DIAPH3: variants seen among roughly 807,000 people sequenced by gnomAD.
DIAPH3 encodes the protein diaphanous related formin 3.
DIAPH3 carries 117 observed loss-of-function variants against 144.3 expected under a neutral mutation model. That is an observed-to-expected ratio of 0.81 (90% confidence interval 0.70 to 0.95). DIAPH3 has a LOEUF of 0.95. DIAPH3 is among the 40% of genes least tolerant of loss of function. The pLI, the probability that DIAPH3 is intolerant of heterozygous loss-of-function variation, is 0.00. For synonymous variants in DIAPH3, 519 were observed against 488.9 expected (o/e 1.06, Z -0.81); for missense variants, 1,421 against 1,412.7 (o/e 1.01, Z -0.09).
chr13:59,672,245 G>A (rs2138593048), intron 27 of DIAPH3, among the ~76,000 whole-genome samples: 1 of 152,280 alleles, frequency 6.6e-6, no homozygotes, highest in Non-Finnish European at 1.5e-5. Context: ...TTTGAAGTTA[G>A]TATTGATCCC....
chr13:60,037,977 G>A (rs1474597730), intron 5 of DIAPH3, among the ~76,000 whole-genome samples: 2 of 151,948 alleles, frequency 1.3e-5, no homozygotes, highest in East Asian at 3.8e-4. Context: ...AAGAATGCAT[G>A]GAAGATGACT....
intron 4 of DIAPH3, among the ~76,000 whole-genome samples, chr13:60,077,027 C>T (rs181235856): frequency 2.7e-4 from 41 of 152,116 alleles, no homozygotes; most frequent in East Asian, 1.9e-3. Flanking sequence ...ACACTAAAGA[C>T]TGCTTCATTA....
chr13:59,759,731 G>A (rs1280358189), intron 27 of DIAPH3, among the ~76,000 whole-genome samples: 9 of 152,118 alleles, frequency 5.9e-5, no homozygotes, highest in Admixed American at 4.6e-4. Context: ...GGATCATGAG[G>A]TCAGGAGTTC....
chr13:59,798,698 T>C (rs1055619418), intron 25 of DIAPH3, among the ~76,000 whole-genome samples: 7 of 152,158 alleles, frequency 4.6e-5, no homozygotes, highest in Admixed American at 1.3e-4. Flanking sequence ...GAACCACCCA[T>C]GTAGCAGAAA....
chr13:60,075,877 T>C (rs925222243), intron 4 of DIAPH3, among the ~76,000 whole-genome samples: 2 of 152,234 alleles, frequency 1.3e-5, no homozygotes, highest in Non-Finnish European at 2.9e-5. Flanking sequence ...TATCCAAGTG[T>C]TGACCGTATC....
chr13:59,976,251 C>T (rs2050675608), intron 14 of DIAPH3, among the ~76,000 whole-genome samples: 1 of 151,922 alleles, frequency 6.6e-6, no homozygotes, highest in African/African-American at 2.4e-5. Flanking sequence ...TACCAAATTC[C>T]AATTCCAGAA....
chr13:59,879,516 T>G (rs755291480), intron 20 of DIAPH3, 48 bp from the exon 21 acceptor site: 9 of 1,610,952 alleles, frequency 5.6e-6, no homozygotes, highest in Non-Finnish European at 7.6e-6. Context: ...CATGGTATAG[T>G]TTAGTACTGT....
chr13:60,026,854 A>T (rs964653336), intron 5 of DIAPH3, among the ~76,000 whole-genome samples: 2 of 152,202 alleles, frequency 1.3e-5, no homozygotes, highest in African/African-American at 2.4e-5. Context: ...TGTAATAAGA[A>T]AAATATTTTT....
At chr13:60,137,245 T>A (rs1594758765) in intron 1 of DIAPH3, among the ~76,000 whole-genome samples, 1 of 150,998 alleles carries the variant, frequency 6.6e-6, no homozygotes, top group Non-Finnish European at 1.5e-5. Context: ...AACATAGGAG[T>A]CGGGGGGAAA....
chr13:60,116,502 A>C (rs925329297), intron 2 of DIAPH3, among the ~76,000 whole-genome samples: 26 of 152,072 alleles, frequency 1.7e-4, no homozygotes, highest in Non-Finnish European at 3.8e-4. Context: ...CTATCTCCCA[A>C]GTCACTACTT....
chr13:59,943,438 C>T (rs776373042), intron 17 of DIAPH3, among the ~76,000 whole-genome samples: 2 of 152,114 alleles, frequency 1.3e-5, no homozygotes, highest in African/African-American at 2.4e-5. Context: ...CCTGTTAGAA[C>T]AATAATAGCA....
chr13:59,760,726 G>C (rs1360451734), intron 27 of DIAPH3, among the ~76,000 whole-genome samples: 1 of 152,064 alleles, frequency 6.6e-6, no homozygotes, highest in East Asian at 1.9e-4. Flanking sequence ...TAACCTTAAG[G>C]TGGCAATACA....
chr13:59,959,806 C>A (rs1043651287), intron 17 of DIAPH3, among the ~76,000 whole-genome samples: 1 of 152,144 alleles, frequency 6.6e-6, no homozygotes, highest in Admixed American at 6.5e-5. Context: ...TCTAAAGCTG[C>A]TAAATCTGTA....
chr13:60,033,958 T>G (rs1378822438), intron 5 of DIAPH3, among the ~76,000 whole-genome samples: 2 of 152,216 alleles, frequency 1.3e-5, no homozygotes, highest in Non-Finnish European at 2.9e-5. Context: ...TATTAAGGCC[T>G]TTCTTCATGT....
chr13:59,920,852 G>A (rs1049657796), intron 18 of DIAPH3, among the ~76,000 whole-genome samples: 3 of 151,758 alleles, frequency 2.0e-5, no homozygotes, highest in Non-Finnish European at 4.4e-5. Flanking sequence ...CACAAAACAT[G>A]TCTTAACAAA....
intron 5 of DIAPH3, among the ~76,000 whole-genome samples, chr13:60,038,864 A>T (rs1040013794): frequency 2.9e-4 from 25 of 85,110 alleles, no homozygotes; most frequent in African/African-American, 1.2e-3. Context: ...GATGAGTATG[A>T]TCTATAAATG....
At chr13:59,833,345 T>C in intron 23 of DIAPH3, 74 bp from the exon 24 acceptor site, 1 of 1,183,824 alleles carries the variant, frequency 8.4e-7, no homozygotes, top group Non-Finnish European at 1.2e-6. Context: ...GTAAATCCAA[T>C]GTTTTAGTCT....
At chr13:60,108,478 TGTGCCTGTAGTCCCTGCTACTCA>T (rs750460514) in intron 3 of DIAPH3, among the ~76,000 whole-genome samples, 12 of 152,056 alleles carry the variant, frequency 7.9e-5, no homozygotes, top group Admixed American at 2.6e-4. Context: ...CATGGTGGTA[TGTGCCTGTAGTCCCTGCTACTCA>T]GGAGGCTGAA....
At chr13:60,005,021 A>T (rs2052767083) in intron 9 of DIAPH3, among the ~76,000 whole-genome samples, 1 of 152,184 alleles carries the variant, frequency 6.6e-6, no homozygotes, top group Non-Finnish European at 1.5e-5. Context: ...TCAACACTAA[A>T]TATGGCAAAT....
Sources: allele counts gnomAD v4.1 joint callset (sites outside exome capture counted in the v4.1 genomes callset), GRCh38; gene constraint gnomAD v4.1.1; transcripts MANE v1.5; gene names NCBI Gene and HGNC (gene_info 2026-07-23, HGNC 2026-07-21).